Variants in WBP2 observed in about 807,000 individuals in gnomAD.
WBP2 encodes WW domain-binding protein 2.
Under a neutral mutation model 33.0 loss-of-function variants are expected in WBP2, and 23 were observed. The observed-to-expected ratio is 0.70, with a 90% CI of 0.50 to 0.99. The LOEUF (loss-of-function observed/expected upper bound fraction) is 0.99, where lower values mean the gene tolerates loss of function less well. WBP2 is among the 50% of genes least tolerant of loss of function. The pLI is 0.00. For synonymous variants in WBP2, 153 were observed against 133.5 expected (o/e 1.15, Z -1.01); for missense variants, 353 against 358.0 (o/e 0.99, Z 0.11).
chr17:75,853,709 T>C (rs2065040880), intron 1 of WBP2, among the ~76,000 whole-genome samples: 1 of 151,964 alleles, frequency 6.6e-6, no homozygotes, highest in Non-Finnish European at 1.5e-5. Context: ...ATATCACAAC[T>C]TTCTCTGACT....
At chr17:75,853,037 T>C (rs2065036976) in intron 1 of WBP2, among the ~76,000 whole-genome samples, 1 of 152,138 alleles carries the variant, frequency 6.6e-6, no homozygotes, top group African/African-American at 2.4e-5. Flanking sequence ...CGTTCACTAT[T>C]TTAATTATAA....
upstream of WBP2, chr17:75,856,120 G>T (rs982094297): frequency 6.6e-6 from 1 of 152,304 alleles, no homozygotes; most frequent in African/African-American, 2.4e-5. Context: ...GGCTGAGTGG[G>T]ACTGGGCACG....
rs1357018615 is a variant in WBP2 at position 75,846,564 on chromosome 17, C to A, written c.*170G>T. On this transcript the variant is annotated 3_prime_UTR_variant, in exon 8 of 8. Transcript: ENST00000254806. The surrounding 1 kb of genome is among the most constrained non-coding windows in gnomAD (Gnocchi z 4.8). The stretch of plus-strand genomic sequence containing the variant: ...TGGCATGGGAAGCTGGGCGGCACCT[C>A]TCCCGAGGCCGGGGGCCCTAATGTC... 1 of 873,644 alleles carries A rather than the reference C, an allele frequency of 1.1e-6. No individual in the cohort carries two copies. Among genetic ancestry groups the A allele is most frequent in the Non-Finnish European group, 1.8e-6 (1 of 546,088 alleles). 54.1% of individuals were successfully genotyped at this position (873,644 alleles called of 1,614,324 possible).
intron 2 of WBP2, among the ~76,000 whole-genome samples, chr17:75,850,914 G>A (rs544213760): frequency 5.9e-5 from 9 of 151,804 alleles, no homozygotes; most frequent in East Asian, 3.9e-4. Flanking sequence ...GGCTGGTCTC[G>A]AACTCCTGAG....
chr17:75,847,200 T>A lies in WBP2; in HGVS notation c.656-216A>T, dbSNP rs540528047. Reference sequence around the variant, plus strand: ...TCACCTCATCTAATCCTTGAGCCAATGCCCCAGGTGCCACTGTGACCGACC... The same window carrying A: ...TCACCTCATCTAATCCTTGAGCCAAAGCCCCAGGTGCCACTGTGACCGACC... On this transcript the variant is annotated intron_variant, in intron 6 of 7. Transcript: ENST00000254806. 1,345 of 672,284 alleles carry A rather than the reference T, an allele frequency of 2.0e-3. 4 individuals carry two copies. The highest frequency in any genetic ancestry group is 2.7e-3 in the Non-Finnish European group (1,053 of 396,730). 41.6% of individuals were successfully genotyped at this position (672,284 alleles called of 1,614,324 possible). A position where few individuals can be genotyped will look rare whatever the true frequency, so the allele number is the denominator to read the frequency against.
chr17:75,851,856 C>A (rs1465038631), intron 1 of WBP2, 180 bp from the exon 2 acceptor site: 2 of 448,136 alleles, frequency 4.5e-6, no homozygotes, highest in East Asian at 8.8e-5. Context: ...AATCCCAGCA[C>A]TTTGGGAGGC....
chr17:75,846,647 C>A lies in WBP2; in HGVS notation c.*87G>T. On this transcript the variant is annotated 3_prime_UTR_variant, in exon 8 of 8. Transcript: ENST00000254806. The surrounding 1 kb of genome is among the most constrained non-coding windows in gnomAD (Gnocchi z 4.8). ...TCAGACCTGGAGGGAGAACAAGGCG[C>A]CCCCTCCCCTCCCCAAGCCCCAGCA... 2.8e-6 allele frequency: 4 copies of A among 1,429,858 alleles called. No individual in the cohort carries two copies. The highest frequency in any genetic ancestry group is 3.8e-6 in the Non-Finnish European group (4 of 1,046,254). 88.6% of individuals were successfully genotyped at this position (1,429,858 alleles called of 1,614,324 possible). A position where few individuals can be genotyped will look rare whatever the true frequency, so the allele number is the denominator to read the frequency against.
intron 4 of WBP2, chr17:75,848,238 A>G: frequency 1.7e-6 from 1 of 582,330 alleles, no homozygotes; most frequent in Non-Finnish European, 3.1e-6. Context: ...CTGCTGGCCC[A>G]TCCCTCGGTC....
chr17:75,849,882 T>G, intron 2 of WBP2, 143 bp from the exon 3 acceptor site: 2 of 1,195,780 alleles, frequency 1.7e-6, no homozygotes, highest in Non-Finnish European at 2.3e-6. Flanking sequence ...CAGACACTCC[T>G]GGAGAGAGCT....
At chr17:75,847,735 TG>T in intron 5 of WBP2, 60 bp downstream of exon 5, 7 of 1,529,096 alleles carry the variant, frequency 4.6e-6, no homozygotes, top group Middle Eastern at 1.7e-4. Flanking sequence ...CTCCCTGGCC[TG>T]GGGGGAGCCT....
rs770560411 is a variant in WBP2 at position 75,855,283 on chromosome 17, C to T, written c.15G>A (p.Lys5=). Residue 5 remains lysine, a synonymous_variant, in exon 1 of 8, where the codon AAG becomes AAA. Coordinates refer to ENST00000254806, the MANE Select transcript of WBP2 (RefSeq NM_012478.4). ...TCACTCCGCCGCCCTCCGAGTGATT[C>T]TTGTTGAGCGCCATAGTCTCTCCAA... The part of the protein sequence containing the change: MALN[K]NHSEGGGVIV... 6.2e-7 allele frequency: 1 copy of T among 1,612,302 alleles called. No homozygotes were observed. Among genetic ancestry groups the T allele is most frequent in the Non-Finnish European group, 8.5e-7 (1 of 1,179,670 alleles).
intron 1 of WBP2, 149 bp from the exon 2 acceptor site, chr17:75,851,825 G>A (rs1415045439): frequency 3.5e-5 from 20 of 569,430 alleles, no homozygotes; most frequent in East Asian, 3.4e-4. Context: ...CATAGGGCTG[G>A]GCGCGGTGGC....
chr17:75,849,745 G>A lies in WBP2; in HGVS notation c.169-6C>T. The stretch of plus-strand genomic sequence containing the variant: ...CCCTTGGACAGAAAGATGACCTGCA[G>A]GGAGAGAGGGTGAGGCCATCAGTAC... On this transcript the variant is annotated splice_region_variant and splice_polypyrimidine_tract_variant and intron_variant, in intron 2 of 7. Transcript: ENST00000254806. 1 of 1,613,832 alleles carries A rather than the reference G, an allele frequency of 6.2e-7. No homozygotes were observed. Among genetic ancestry groups the A allele is most frequent in the Non-Finnish European group, 8.5e-7 (1 of 1,179,970 alleles).
In WBP2 at chr17:75,848,803, TG is replaced by T. The variant is rs2065011394; in HGVS notation, c.305-142del. On this transcript the variant is annotated intron_variant, in intron 3 of 7. Transcript: ENST00000254806. The stretch of plus-strand genomic sequence containing the variant: ...GGCCTGCACTGTGATGGGGACTTCC[TG>T]GTGCCATGGTTTCCAGCCTGCTGCC... 1.4e-5 allele frequency: 10 copies of T among 711,962 alleles called. No homozygotes were observed. The East Asian group carries it at 2.7e-4, about 19-fold the overall frequency. 44.1% of individuals were successfully genotyped at this position (711,962 alleles called of 1,614,324 possible).
intron 4 of WBP2, chr17:75,848,362 C>A: frequency 1.7e-6 from 1 of 604,736 alleles, no homozygotes. Flanking sequence ...ATCCACCTGC[C>A]CCAGGCAGGG....
In WBP2 at chr17:75,855,281, T is replaced by C; in HGVS notation, c.17A>G (p.Asn6Ser). ...GATCACTCCGCCGCCCTCCGAGTGA[T>C]TCTTGTTGAGCGCCATAGTCTCTCC... MALNK[N>S]HSEGGGVIVN... The change falls in exon 1 of 8, where the codon AAT becomes AGT. Residue 6 changes from asparagine (N) to serine (S), a missense_variant. Transcript: ENST00000254806. 6.2e-7 allele frequency: 1 copy of C among 1,612,484 alleles called. No homozygotes were observed. The highest frequency in any genetic ancestry group is 8.5e-7 in the Non-Finnish European group (1 of 1,179,874).
At chr17:75,849,334 G>A (rs1599422317) in intron 3 of WBP2, 4 of 375,770 alleles carry the variant, frequency 1.1e-5, no homozygotes, top group East Asian at 8.9e-5. Flanking sequence ...ATTTGTATGC[G>A]CTCGCCAAGT....
At chr17:75,851,521 C>T (rs71382183) in intron 2 of WBP2, 47 bp downstream of exon 2, 1 of 1,469,722 alleles carries the variant, frequency 6.8e-7, no homozygotes, top group South Asian at 1.1e-5. Flanking sequence ...CACGTCACCT[C>T]CAACAGCAAC....
At chr17:75,854,381 G>A (rs993576478) in intron 1 of WBP2, among the ~76,000 whole-genome samples, 8 of 152,152 alleles carry the variant, frequency 5.3e-5, no homozygotes, top group Non-Finnish European at 1.2e-4. Context: ...AATACCCAAG[G>A]AACAAAAGGA....
Sources: gnomAD v4.1 joint callset for allele counts (sites outside exome capture counted in the v4.1 genomes callset) on GRCh38, gnomAD v4.1.1 for gene constraint, Gnocchi (gnomAD v3.1) non-coding constraint, MANE v1.5 for transcripts, NCBI Gene and HGNC (gene_info 2026-07-23, HGNC 2026-07-21) for gene names.